Variants in COL4A2 observed in about 807,000 individuals in gnomAD.
COL4A2 encodes the protein collagen type IV alpha 2 chain.
In COL4A2, 99 loss-of-function variants were observed where a neutral mutation model predicts 200.2. The observed-to-expected ratio is 0.49, with a 90% confidence interval of 0.42 to 0.58. The LOEUF is 0.58. Among genes scored for constraint, COL4A2 ranks in the 20% least tolerant of loss-of-function variants. COL4A2 has a pLI of 0.00. For synonymous variants in COL4A2, 897 were observed against 900.6 expected, an observed-to-expected ratio of 1.00 and a Z score of 0.07; for missense variants, 1,950 against 2,314.1, an observed-to-expected ratio of 0.84 and a Z score of 3.23.
chr13:110,504,907 C>T (rs899435127), intron 45 of COL4A2, among the ~76,000 whole-genome samples: 4 of 151,390 alleles, frequency 2.6e-5, no homozygotes, highest in South Asian at 4.2e-4. Context: ...CGTGCCTGGT[C>T]GTCTTATTTT....
At chr13:110,394,731 T>A (rs767492308) in intron 4 of COL4A2, among the ~76,000 whole-genome samples, 1 of 152,202 alleles carries the variant, frequency 6.6e-6, no homozygotes, top group Non-Finnish European at 1.5e-5. Flanking sequence ...GGTGGGCCGA[T>A]GAATTACTTG....
At chr13:110,419,216 G>A (rs979173335) in intron 4 of COL4A2, among the ~76,000 whole-genome samples, 7 of 152,182 alleles carry the variant, frequency 4.6e-5, no homozygotes, top group African/African-American at 7.2e-5. Flanking sequence ...GGAAGAGTCC[G>A]CTTAGGAAGG....
chr13:110,426,127 A>G (rs76516869), intron 6 of COL4A2, among the ~76,000 whole-genome samples: 5,727 of 152,306 alleles, frequency 0.038, 361 homozygotes, highest in African/African-American at 0.13. Context: ...AGATTAAACA[A>G]ATTAGGAAAG....
intron 4 of COL4A2, among the ~76,000 whole-genome samples, chr13:110,375,291 T>C (rs1033330217): frequency 6.6e-6 from 1 of 152,210 alleles, no homozygotes; most frequent in South Asian, 2.1e-4. Flanking sequence ...CTCCAGCAGC[T>C]CCAATGTGGC....
rs118141393 is a variant in COL4A2, at chr13:110,474,730, T to C, written c.2425+1580T>C. 3.0e-4 allele frequency among the ~76,000 whole-genome samples: 34 copies of C among 112,218 alleles called. 11 individuals are homozygous for C. In the East Asian group the frequency reaches 6.3e-3, roughly 21 times the overall value. The allele number at this position is 112,218 out of a possible 152,430, so 73.6% of individuals were successfully genotyped here. A position where few individuals can be genotyped will look rare whatever the true frequency, so the allele number is the denominator to read the frequency against. ...ACACTCACATGATCACACACGCACG[T>C]ACCCACACACGTGCCGTGCACACTC... On this transcript the variant is annotated intron_variant, in intron 29 of 47. Transcript: ENST00000360467.
In COL4A2 at chr13:110,489,849, C is replaced by T. The variant is rs1251076290; in HGVS notation, c.3346+64C>T. ...AGCCCTGAGCCTTTGTCTAGGAGCC[C>T]GACTTGCCAAACAGATCAAATTCAG... is the stretch of plus-strand genomic sequence containing the variant. On this transcript the variant is annotated intron_variant, in intron 36 of 47. Coordinates refer to ENST00000360467, the MANE Select transcript of COL4A2 (RefSeq NM_001846.4). 2.5e-5 allele frequency: 38 copies of T among 1,513,702 alleles called. No individual in the cohort carries two copies. In the East Asian group the frequency reaches 3.8e-4, roughly 15 times the overall value. 93.8% of individuals were successfully genotyped at this position (1,513,702 alleles called of 1,614,324 possible).
At chr13:110,435,693 A>G (rs1043038005) in intron 12 of COL4A2, among the ~76,000 whole-genome samples, 3 of 152,252 alleles carry the variant, frequency 2.0e-5, no homozygotes, top group African/African-American at 7.2e-5. Context: ...AATATTATGC[A>G]AGGATAACGG....
intron 3 of COL4A2, among the ~76,000 whole-genome samples, chr13:110,319,371 A>G (rs1336661329): frequency 6.6e-6 from 1 of 152,200 alleles, no homozygotes; most frequent in Non-Finnish European, 1.5e-5. Flanking sequence ...ACAAAGAACA[A>G]TTTGTTCAAA....
In COL4A2 at chr13:110,465,467, T is replaced by A. The variant is rs780024831; in HGVS notation, c.1839T>A (p.Gly613=). ...ATCCAGGAATACCTGGAACGAAGGGTACTCCAGGAGAAATGGGCCCCCCAG... is the reference window on the plus strand; with the variant it reads ...ATCCAGGAATACCTGGAACGAAGGGAACTCCAGGAGAAATGGGCCCCCCAG... ...PGYPGIPGTK[G]TPGEMGPPGL... is the part of the protein sequence containing the mutation. Residue 613 remains glycine, a synonymous_variant, in exon 25 of 48, where the codon GGT becomes GGA. Transcript: ENST00000360467. 6.2e-7 allele frequency: 1 copy of A among 1,613,924 alleles called. No homozygotes were observed. Among genetic ancestry groups the A allele is most frequent in the Non-Finnish European group, 8.5e-7 (1 of 1,179,992 alleles).
At chr13:110,393,162 T>C (rs1436813376) in intron 4 of COL4A2, among the ~76,000 whole-genome samples, 1 of 152,234 alleles carries the variant, frequency 6.6e-6, no homozygotes, top group Non-Finnish European at 1.5e-5. Flanking sequence ...TCATGAGAAA[T>C]GCTGAATACA....
At chr13:110,339,555 C>T (rs1002153394) in intron 3 of COL4A2, among the ~76,000 whole-genome samples, 1 of 152,126 alleles carries the variant, frequency 6.6e-6, no homozygotes, top group African/African-American at 2.4e-5. Context: ...CAGCACAGCC[C>T]CTTTCTCTAC....
chr13:110,476,549 T>C (rs542487777), intron 29 of COL4A2, among the ~76,000 whole-genome samples: 2 of 152,280 alleles, frequency 1.3e-5, no homozygotes. Context: ...GGGTCCCTTT[T>C]GTCACTGCCC....
chr13:110,415,967 G>A (rs927330926), intron 4 of COL4A2, among the ~76,000 whole-genome samples: 1 of 152,234 alleles, frequency 6.6e-6, no homozygotes, highest in African/African-American at 2.4e-5. Flanking sequence ...GGAAAATATT[G>A]GCACGTGCCA....
intron 12 of COL4A2, 172 bp from the exon 13 acceptor site, chr13:110,436,097 A>ACT: frequency 2.1e-6 from 2 of 959,964 alleles, no homozygotes; most frequent in Non-Finnish European, 3.3e-6. Context: ...GATATAAAAA[A>ACT]CTTACATTAG....
intron 3 of COL4A2, among the ~76,000 whole-genome samples, chr13:110,309,530 G>T (rs1452578850): frequency 6.6e-6 from 1 of 152,202 alleles, no homozygotes; most frequent in Non-Finnish European, 1.5e-5. Context: ...ACCACATCGG[G>T]CTGTGTGTGC....
chr13:110,467,203 G>A, intron 27 of COL4A2, 107 bp downstream of exon 27: 1 of 1,429,082 alleles, frequency 7.0e-7, no homozygotes, highest in Non-Finnish European at 9.6e-7. Flanking sequence ...CCCCACCCCA[G>A]ACATGGTCGT....
chr13:110,459,087 CCCCA>C, intron 22 of COL4A2, 153 bp downstream of exon 22: 2 of 716,550 alleles, frequency 2.8e-6, no homozygotes, highest in Admixed American at 3.6e-5. Context: ...AACCCACATA[CCCCA>C]AGGCGGACTT....
rs777686568 is a variant in COL4A2, at chr13:110,503,256, G to A, written c.4013G>A (p.Gly1338Asp). ...GACTCCGGGCCCCAGGGCAGGCCTGGTGTGTTTGGTCTCCCAGGAGAAAAA... is the reference window on the plus strand; with the variant it reads ...GACTCCGGGCCCCAGGGCAGGCCTGATGTGTTTGGTCTCCCAGGAGAAAAA... ...AGDSGPQGRP[G>D]VFGLPGEKGP... Residue 1338 changes from glycine (G) to aspartate (D), a missense_variant, in exon 42 of 48, where the codon GGT becomes GAT. Physicochemically the swap from Gly to Asp is moderately conservative, Grantham distance 94. Around this residue, in one of 2 missense-constraint regions of COL4A2, gnomAD observed 1,385 missense variants for 1,720.5 expected, o/e 0.80. Transcript: ENST00000360467. The A allele has an allele frequency of 1.2e-6, 2 of 1,608,518 alleles. No individual in the cohort carries two copies. Among genetic ancestry groups the A allele is most frequent in the East Asian group, 2.2e-5 (1 of 44,808 alleles).
chr13:110,355,237 G>C (rs1311070251), intron 3 of COL4A2, among the ~76,000 whole-genome samples: 1 of 151,172 alleles, frequency 6.6e-6, no homozygotes, highest in Non-Finnish European at 1.5e-5. Context: ...GAGGCTGGCT[G>C]AGGGTGAAAA....
Sources: gnomAD v4.1 joint callset for allele counts (sites outside exome capture counted in the v4.1 genomes callset) on GRCh38, gnomAD v4.1.1 for gene constraint, gnomAD v4.1.1 regional missense constraint, MANE v1.5 for transcripts, NCBI Gene and HGNC (gene_info 2026-07-23, HGNC 2026-07-21) for gene names.